AARS1: variants seen among roughly 807,000 people sequenced by gnomAD.
AARS1 encodes alanine--tRNA ligase, cytoplasmic.
In AARS1, 72 loss-of-function variants were observed where a neutral mutation model predicts 108.9. That is an observed-to-expected ratio of 0.66 (90% CI 0.55 to 0.80). AARS1 has a LOEUF of 0.80. Among genes scored for constraint, AARS1 ranks in the 30% least tolerant of loss-of-function variants. The pLI is 0.00. For missense variants in AARS1, 1,193 were observed against 1,233.2 expected (o/e 0.97, Z 0.49); for synonymous variants, 489 against 465.7 (o/e 1.05, Z -0.64).
intron 12 of AARS1, 126 bp from the exon 13 acceptor site, chr16:70,261,283 C>T: frequency 3.0e-6 from 2 of 673,348 alleles, no homozygotes; most frequent in Admixed American, 2.1e-5. Flanking sequence ...CACACACATA[C>T]TCCCTTAATA....
intron 1 of AARS1, among the ~76,000 whole-genome samples, chr16:70,288,088 T>A (rs933637681): frequency 7.2e-5 from 9 of 125,254 alleles, no homozygotes; most frequent in Non-Finnish European, 1.1e-4. Flanking sequence ...AAGACAGCCT[T>A]CCCCTTCTTC....
At chr16:70,255,941 G>GA in intron 15 of AARS1, 105 bp from the exon 16 acceptor site, 5 of 1,065,474 alleles carry the variant, frequency 4.7e-6, no homozygotes, top group South Asian at 1.4e-5. Flanking sequence ...GACAGTCAGG[G>GA]AAAGCCTGGG....
rs1960743421 is a variant in AARS1, at chr16:70,283,085, C to A, written c.-21-301G>T. Reference sequence around the variant, plus strand: ...TATCGAGCATCTGCTCTGTGTCAGGCCCGAGACTAGGAATTAGAAAAAAAG... The same window carrying A: ...TATCGAGCATCTGCTCTGTGTCAGGACCGAGACTAGGAATTAGAAAAAAAG... On this transcript the variant is annotated intron_variant, in intron 1 of 20. Transcript: ENST00000261772. Among the ~76,000 whole-genome samples, 3 of 152,064 alleles carry A rather than the reference C, an allele frequency of 2.0e-5. No homozygotes were observed. In the South Asian group the frequency reaches 6.2e-4, roughly 32 times the overall value.
chr16:70,274,234 G>C (rs1597444688), intron 4 of AARS1, among the ~76,000 whole-genome samples: 1 of 150,790 alleles, frequency 6.6e-6, no homozygotes, highest in African/African-American at 2.4e-5. Flanking sequence ...CCAGCTACTC[G>C]GGAGGCTGAG....
chr16:70,270,326 A>G lies in AARS1; in HGVS notation c.686T>C (p.Ile229Thr), dbSNP rs530889354. 1.2e-6 allele frequency: 2 copies of G among 1,614,186 alleles called. No individual in the cohort carries two copies. ...FIQYNREADGILKPLPKKSID... is the reference protein window; with the variant it reads ...FIQYNREADGTLKPLPKKSID... ...GCTTTTCTTGGGAAGAGGTTTCAGA[A>G]TGCCATCAGCTTCCCTGTATGATCC... is the stretch of plus-strand genomic sequence containing the variant. The change falls in exon 6 of 21, where the codon ATT (isoleucine) becomes ACT (threonine). Residue 229 changes from isoleucine to threonine, a missense_variant. Coordinates refer to ENST00000261772, the MANE Select transcript of AARS1 (RefSeq NM_001605.3).
intron 19 of AARS1, 61 bp downstream of exon 19, chr16:70,253,653 A>C: frequency 6.4e-7 from 1 of 1,568,230 alleles, no homozygotes; most frequent in South Asian, 1.1e-5. Context: ...CACAGAGGCC[A>C]CATGTCAGCC....
chr16:70,261,072 C>T lies in AARS1; in HGVS notation c.1757G>A (p.Gly586Glu). ...ATCAATAAACAGCCAGACCTGATCCCCCACTTTCAGGTCACCGTAGATGGT... is the reference window on the plus strand; with the variant it reads ...ATCAATAAACAGCCAGACCTGATCCTCCACTTTCAGGTCACCGTAGATGGT... ...IGTIYGDLKVGDQVWLFIDEP... is the reference protein window; with the variant it reads ...IGTIYGDLKVEDQVWLFIDEP... Residue 586 changes from glycine to glutamate, a missense_variant, in exon 13 of 21, where the codon GGG becomes GAG. By Grantham distance (98) the Gly-to-Glu change is moderately conservative. Coordinates refer to ENST00000261772, the MANE Select transcript of AARS1 (RefSeq NM_001605.3). The T allele has an allele frequency of 6.2e-7, 1 of 1,613,744 alleles. No individual in the cohort carries two copies. Among genetic ancestry groups the T allele is most frequent in the Non-Finnish European group, 8.5e-7 (1 of 1,179,788 alleles).
Position 70,270,288 on chromosome 16 carries a change from T to C in AARS1, c.724A>G (p.Met242Val). 1 of 1,614,190 alleles carries C rather than the reference T, an allele frequency of 6.2e-7. No homozygotes were observed. Among genetic ancestry groups the C allele is most frequent in the Non-Finnish European group, 8.5e-7 (1 of 1,180,020 alleles). The change falls in exon 6 of 21, where the codon ATG (methionine) becomes GTG (valine). Residue 242 changes from methionine (M) to valine (V), a missense_variant. Met to Val is a conservative substitution (Grantham distance 21, BLOSUM62 1). Coordinates refer to ENST00000261772, the MANE Select transcript of AARS1 (RefSeq NM_001605.3). ...ACAGATACCAGTCGTTCCAGGCCCATCCCTGTGTCAATGCTTTTCTTGGGA... is the reference window on the plus strand; with the variant it reads ...ACAGATACCAGTCGTTCCAGGCCCACCCCTGTGTCAATGCTTTTCTTGGGA... ...PLPKKSIDTGMGLERLVSVLQ... is the reference protein window; with the variant it reads ...PLPKKSIDTGVGLERLVSVLQ...
chr16:70,278,368 C>T (rs1412128038), intron 2 of AARS1, among the ~76,000 whole-genome samples: 1 of 151,852 alleles, frequency 6.6e-6, no homozygotes, highest in Non-Finnish European at 1.5e-5. Flanking sequence ...GAGTTCGAGA[C>T]CAGCCTGACC....
chr16:70,282,758 G>A lies in AARS1; in HGVS notation c.6C>T (p.Asp2=). Residue 2 remains aspartate (D), a synonymous_variant, in exon 2 of 21, where the codon GAC becomes GAT. Coordinates refer to ENST00000261772, the MANE Select transcript of AARS1 (RefSeq NM_001605.3). ...GGATTTCACTTGCTGTTAGAGTAGA[G>A]TCCATCTTGAAAGTCACCCCAAAGA... M[D]STLTASEIRQ... 6.2e-7 allele frequency: 1 copy of A among 1,613,884 alleles called. No homozygotes were observed. The highest frequency in any genetic ancestry group is 8.5e-7 in the Non-Finnish European group (1 of 1,179,962).
At chr16:70,254,131 C>G in intron 17 of AARS1, 93 bp from the exon 18 acceptor site, 1 of 1,556,912 alleles carries the variant, frequency 6.4e-7, no homozygotes, top group Non-Finnish European at 8.8e-7. Flanking sequence ...TCCTCCCTGA[C>G]TAGTGTCCTG....
Position 70,275,238 on chromosome 16 carries a change from T to C in AARS1, c.479+1248A>G, listed in dbSNP as rs1960510386. On this transcript the variant is annotated intron_variant, in intron 4 of 20. Coordinates refer to ENST00000261772, the MANE Select transcript of AARS1 (RefSeq NM_001605.3). The stretch of plus-strand genomic sequence containing the variant: ...TCGCACCAGTGCACTCCAGCCTAGG[T>C]GACAGACTGAGACTCTGTCTCAAAA... 2.0e-5 allele frequency among the ~76,000 whole-genome samples: 3 copies of C among 150,476 alleles called. No homozygotes were observed. The South Asian group carries it at 6.2e-4, about 31-fold the overall frequency.
chr16:70,265,985 T>C (rs1256886374), intron 9 of AARS1, among the ~76,000 whole-genome samples: 2 of 152,066 alleles, frequency 1.3e-5, no homozygotes, highest in Non-Finnish European at 2.9e-5. Flanking sequence ...GAGACCATCC[T>C]GACTAACATG....
In AARS1 at chr16:70,253,775, A is replaced by G. The variant is rs1301891239; in HGVS notation, c.2546T>C (p.Ile849Thr). ...KRVLEKTKQF[I>T]DSNPNQPLVI... ...AAGAGGCTGGTTGGGGTTGCTGTCG[A>G]TGAACTGCTTCGTCTTCTCTAACAC... The change falls in exon 19 of 21, where the codon ATC becomes ACC. Residue 849 changes from isoleucine to threonine, a missense_variant. By Grantham distance (89) the Ile-to-Thr change is moderately conservative (BLOSUM62 -1). Coordinates refer to ENST00000261772, the MANE Select transcript of AARS1 (RefSeq NM_001605.3). The G allele has an allele frequency of 5.0e-6, 8 of 1,614,178 alleles. No homozygotes were observed. Among genetic ancestry groups the G allele is most frequent in the Non-Finnish European group, 5.1e-6 (6 of 1,180,032 alleles).
At chr16:70,286,227 T>C (rs779663148) in intron 1 of AARS1, among the ~76,000 whole-genome samples, 3 of 152,162 alleles carry the variant, frequency 2.0e-5, no homozygotes, top group Non-Finnish European at 2.9e-5. Context: ...CATAAACTCA[T>C]TGATTTATTC....
chr16:70,279,089 C>T (rs748126079), intron 2 of AARS1, among the ~76,000 whole-genome samples: 53 of 152,118 alleles, frequency 3.5e-4, no homozygotes, highest in Non-Finnish European at 6.0e-4. Context: ...TGGTGGCTCA[C>T]GCCTGTAATC....
intron 9 of AARS1, among the ~76,000 whole-genome samples, chr16:70,266,129 C>T (rs1406155686): frequency 2.0e-5 from 3 of 151,950 alleles, no homozygotes; most frequent in South Asian, 2.1e-4. Flanking sequence ...TTGGCCAATA[C>T]GGTGAAACCC....
At position 70,282,331 on chromosome 16, in the gene AARS1, G is replaced by GA. The variant is rs57976512; in HGVS notation, c.144+288dup. 0.91 allele frequency among the ~76,000 whole-genome samples: 100,613 copies of GA among 110,274 alleles called. 45,917 individuals are homozygous for GA. Among genetic ancestry groups the GA allele is most frequent in the East Asian group, 0.97 (3,605 of 3,706 alleles). The allele number at this position is 110,274 out of a possible 152,430, so 72.3% of individuals were successfully genotyped here. A position where few individuals can be genotyped will look rare whatever the true frequency, so the allele number is the denominator to read the frequency against. On this transcript the variant is annotated intron_variant, in intron 2 of 20. Transcript: ENST00000261772. ...ATGACAGAGCGAGACTCCGTCTCAG[G>GA]AAAAAAAAAAAAAAAAAAAAGCTAA...
intron 7 of AARS1, among the ~76,000 whole-genome samples, chr16:70,269,212 C>T (rs967001718): frequency 1.3e-5 from 2 of 151,516 alleles, no homozygotes; most frequent in African/African-American, 2.4e-5. Flanking sequence ...CCCATCTATT[C>T]GGGAGGCTGA....
Sources: gnomAD v4.1 joint callset for allele counts (sites outside exome capture counted in the v4.1 genomes callset) on GRCh38, gnomAD v4.1.1 for gene constraint, MANE v1.5 for transcripts, NCBI Gene and HGNC (gene_info 2026-07-23, HGNC 2026-07-21) for gene names.